Variants in PDE5A observed in about 807,000 individuals in gnomAD.
PDE5A encodes the protein phosphodiesterase 5A, also known as cGMP-specific 3',5'-cyclic phosphodiesterase.
PDE5A carries 67 observed loss-of-function variants against 110.2 expected under a neutral mutation model. That is an observed-to-expected ratio of 0.61 (90% CI 0.50 to 0.75). The LOEUF (loss-of-function observed/expected upper bound fraction) is 0.75. PDE5A is among the 30% of genes least tolerant of loss of function. PDE5A has a pLI of 0.00. For synonymous variants in PDE5A, 328 were observed against 351.2 expected (o/e 0.93, Z 0.74); for missense variants, 862 against 1,045.1 (o/e 0.82, Z 2.42).
At chr4:119,623,930 C>G (rs1219888857) in intron 1 of PDE5A, among the ~76,000 whole-genome samples, 2 of 152,320 alleles carry the variant, frequency 1.3e-5, no homozygotes, top group African/African-American at 4.8e-5. Context: ...AGTTTAGGCT[C>G]TAACATGGGT....
chr4:119,560,597 A>G (rs551194283), intron 6 of PDE5A, among the ~76,000 whole-genome samples: 26 of 152,328 alleles, frequency 1.7e-4, no homozygotes, highest in African/African-American at 5.3e-4. Context: ...TCTTGGAAGA[A>G]TGATTATATG....
chr4:119,605,060 C>T (rs1379976062), intron 2 of PDE5A, among the ~76,000 whole-genome samples: 2 of 152,098 alleles, frequency 1.3e-5, no homozygotes, highest in African/African-American at 4.8e-5. Flanking sequence ...TAAAATTAAT[C>T]CTTCCAAAGC....
intron 3 of PDE5A, among the ~76,000 whole-genome samples, chr4:119,592,161 A>C (rs1238966586): frequency 7.0e-5 from 10 of 141,966 alleles, no homozygotes; most frequent in African/African-American, 2.4e-4. Flanking sequence ...AAAAAAAAAA[A>C]AAAAAAAAAA....
intron 1 of PDE5A, among the ~76,000 whole-genome samples, chr4:119,614,374 T>C (rs1439967223): frequency 1.3e-5 from 2 of 152,134 alleles, no homozygotes; most frequent in African/African-American, 4.8e-5. Context: ...TCAGTATAAG[T>C]AGTATCTGAA....
At chr4:119,536,397 C>G (rs973895294) in intron 11 of PDE5A, among the ~76,000 whole-genome samples, 5 of 152,044 alleles carry the variant, frequency 3.3e-5, no homozygotes, top group Non-Finnish European at 7.4e-5. Flanking sequence ...AATATGTAGA[C>G]AATTTCTAAA....
At chr4:119,615,185 T>C (rs1385079272) in intron 1 of PDE5A, among the ~76,000 whole-genome samples, 1 of 152,150 alleles carries the variant, frequency 6.6e-6, no homozygotes, top group East Asian at 1.9e-4. Flanking sequence ...AAGTGGTCCT[T>C]GGGTCTGTCA....
In PDE5A at chr4:119,565,336, C is replaced by T. The variant is rs751592581; in HGVS notation, c.978G>A (p.Glu326=). ...TCAGACTGACCTGATTTCTCTTGTT[C>T]TCCAGCAGTGAAGTCTCATAGAGCT... The part of the protein sequence containing the change: ...NAQLYETSLL[E]NKRNQVLLDL... The change falls in exon 5 of 21, where the codon GAG becomes GAA. Residue 326 remains glutamate (E), a synonymous_variant. Coordinates refer to ENST00000354960, the MANE Select transcript of PDE5A (RefSeq NM_001083.4). 6.2e-7 allele frequency: 1 copy of T among 1,609,936 alleles called. No individual in the cohort carries two copies. Among genetic ancestry groups the T allele is most frequent in the East Asian group, 2.2e-5 (1 of 44,744 alleles).
At chr4:119,581,376 C>T (rs1728583415) in intron 3 of PDE5A, among the ~76,000 whole-genome samples, 1 of 152,076 alleles carries the variant, frequency 6.6e-6, no homozygotes, top group African/African-American at 2.4e-5. Context: ...CATATGTAGC[C>T]ACTGAAAGCT....
At chr4:119,602,710 A>G (rs955021356) in intron 2 of PDE5A, among the ~76,000 whole-genome samples, 6 of 152,240 alleles carry the variant, frequency 3.9e-5, no homozygotes, top group Non-Finnish European at 8.8e-5. Flanking sequence ...AAATATATTG[A>G]TAAATAGTTG....
At chr4:119,617,589 AAAGT>A (rs1475655168) in intron 1 of PDE5A, among the ~76,000 whole-genome samples, 1 of 152,190 alleles carries the variant, frequency 6.6e-6, no homozygotes, top group African/African-American at 2.4e-5. Flanking sequence ...GGCTTCTAGA[AAAGT>A]AAGGAAAAGA....
At chr4:119,521,138 G>C in intron 12 of PDE5A, 78 bp from the exon 13 acceptor site, 1 of 1,398,110 alleles carries the variant, frequency 7.2e-7, no homozygotes, top group South Asian at 1.3e-5. Context: ...ACACTACAAA[G>C]CATTCACATT....
chr4:119,574,635 T>G (rs1262451005), intron 3 of PDE5A, among the ~76,000 whole-genome samples: 1 of 113,376 alleles, frequency 8.8e-6, no homozygotes, highest in Non-Finnish European at 1.9e-5. Flanking sequence ...TTCAAAATTA[T>G]AACTCTAAGA....
chr4:119,505,816 G>A, intron 17 of PDE5A, 39 bp downstream of exon 17: 4 of 1,163,906 alleles, frequency 3.4e-6, no homozygotes, highest in Non-Finnish European at 4.9e-6. Context: ...AATTAACTGG[G>A]TAAAAAACTT....
intron 1 of PDE5A, among the ~76,000 whole-genome samples, chr4:119,607,753 G>T (rs906247192): frequency 3.3e-5 from 5 of 151,844 alleles, no homozygotes; most frequent in Admixed American, 3.3e-4. Context: ...AAAAAAAAAA[G>T]ACAATTTTAT....
chr4:119,547,035 T>A (rs945900174), intron 9 of PDE5A, among the ~76,000 whole-genome samples: 3 of 151,734 alleles, frequency 2.0e-5, no homozygotes, highest in Non-Finnish European at 2.9e-5. Context: ...GCCTCCTTTT[T>A]TTCTGTGTCT....
intron 11 of PDE5A, among the ~76,000 whole-genome samples, chr4:119,526,597 T>C (rs1478974302): frequency 1.3e-5 from 2 of 152,118 alleles, no homozygotes; most frequent in Non-Finnish European, 2.9e-5. Context: ...GAAGAAAAAT[T>C]AAATTTCAGC....
rs141680876 is a variant in PDE5A, at chr4:119,525,497, TACAC to T, written c.1779+48_1779+51del. The T allele has an allele frequency of 3.9e-6, 6 of 1,527,596 alleles. No individual in the cohort carries two copies. The Admixed American group carries it at 1.1e-4, about 28-fold the overall frequency. The allele number at this position is 1,527,596 out of a possible 1,614,324, so 94.6% of individuals were successfully genotyped here. On this transcript the variant is annotated intron_variant, in intron 12 of 20. Coordinates refer to ENST00000354960, the MANE Select transcript of PDE5A (RefSeq NM_001083.4). The surrounding 1 kb of genome is among the most constrained non-coding windows in gnomAD (Gnocchi z 4.3). ...TTCAAAACCAATTCTCTCTCTTACA[TACAC>T]ACACACATACACATAGACTTTTCCA...
In PDE5A at chr4:119,606,859, G is replaced by A. The variant is rs759503543; in HGVS notation, c.591C>T (p.Asp197=). The part of the protein sequence containing the change: ...LFLVCEDSSN[D]KFLISRLFDV... ...CAAAGAGGCGGCTGATAAGAAACTT[G>A]TCATTGGAGCTGTCTTCACAGACAA... Residue 197 remains aspartate (D), a synonymous_variant, in exon 2 of 21, where the codon GAC becomes GAT. Transcript: ENST00000354960. The A allele has an allele frequency of 3.7e-6, 6 of 1,614,202 alleles. No homozygotes were observed. Among genetic ancestry groups the A allele is most frequent in the Non-Finnish European group, 5.1e-6 (6 of 1,180,044 alleles).
In PDE5A at chr4:119,525,759, T is replaced by C; in HGVS notation, c.1633-64A>G. On this transcript the variant is annotated intron_variant, in intron 11 of 20. Coordinates refer to ENST00000354960, the MANE Select transcript of PDE5A (RefSeq NM_001083.4). This position sits in a 1 kb window ranked among gnomAD's most constrained non-coding sequence, Gnocchi z 4.3. ...TTAAAGCAGCAGTGATTTGCAAGGT[T>C]TTCTTGTTTTGCTGCAGAGAAATAG... is the stretch of plus-strand genomic sequence containing the variant. The C allele has an allele frequency of 6.6e-7, 1 of 1,504,268 alleles. No individual in the cohort carries two copies. The allele number at this position is 1,504,268 out of a possible 1,614,324, so 93.2% of individuals were successfully genotyped here. A position where few individuals can be genotyped will look rare whatever the true frequency, so the allele number is the denominator to read the frequency against.
Sources: gnomAD v4.1 joint callset for allele counts (sites outside exome capture counted in the v4.1 genomes callset) on GRCh38, gnomAD v4.1.1 for gene constraint, Gnocchi (gnomAD v3.1) non-coding constraint, MANE v1.5 for transcripts, NCBI Gene and HGNC (gene_info 2026-07-23, HGNC 2026-07-21) for gene names.